The following PNPLA7 variants were observed in gnomAD, a reference collection of about 807,000 sequenced individuals.
The protein encoded by PNPLA7 is patatin-like phospholipase domain-containing protein 7.
A neutral mutation model predicts 161.7 loss-of-function variants in PNPLA7; 153 were observed. The ratio of observed to expected loss-of-function variants is 0.95; its 90% confidence interval spans 0.83 to 1.08. The LOEUF (loss-of-function observed/expected upper bound fraction) is 1.08, where lower values mean the gene tolerates loss of function less well. Ranked by LOEUF, PNPLA7 falls within the 50% of genes least tolerant of loss-of-function variation. The probability of loss-of-function intolerance (pLI) is 0.00; values close to 1 mark genes in which losing one functional copy is unlikely to be tolerated. For missense variants in PNPLA7, 1,739 were observed against 1,856.6 expected (o/e 0.94, Z 1.16); for synonymous variants, 809 against 782.1 (o/e 1.03, Z -0.57).
rs1032545216 is a variant in PNPLA7, at chr9:137,524,464, G to C, written c.748-1607C>G. Among the ~76,000 whole-genome samples the C allele has an allele frequency of 6.6e-6, 1 of 152,258 alleles. No homozygotes were observed. Among genetic ancestry groups the C allele is most frequent in the Non-Finnish European group, 1.5e-5 (1 of 68,046 alleles). On this transcript the variant is annotated intron_variant, in intron 8 of 34. Coordinates refer to ENST00000406427, the MANE Select transcript of PNPLA7 (RefSeq NM_001098537.3). This position sits in a 1 kb window ranked among gnomAD's most constrained non-coding sequence, Gnocchi z 4.4. The stretch of plus-strand genomic sequence containing the variant: ...TCGCAGGGTCTCCGTCCATTCAGCA[G>C]TCGAAGGATATTTGTGTTGTTTCCA...
Position 137,500,808 on chromosome 9 carries a change from G to T in PNPLA7, c.1640C>A (p.Thr547Lys). 1 of 1,608,496 alleles carries T rather than the reference G, an allele frequency of 6.2e-7. No individual in the cohort carries two copies. The highest frequency in any genetic ancestry group is 8.5e-7 in the Non-Finnish European group (1 of 1,178,544). The change falls in exon 16 of 35, where the codon ACG (threonine) becomes AAG (lysine). Residue 547 changes from threonine to lysine, a missense_variant. By Grantham distance (78) the Thr-to-Lys change is moderately conservative (BLOSUM62 -1). Around this residue, in one of 6 missense-constraint regions of PNPLA7, gnomAD observed 481 missense variants for 450.0 expected, o/e 1.07. Coordinates refer to ENST00000406427, the MANE Select transcript of PNPLA7 (RefSeq NM_001098537.3). This position sits in a 1 kb window ranked among gnomAD's most constrained non-coding sequence, Gnocchi z 5.5. The stretch of plus-strand genomic sequence containing the variant: ...CTGGCCCACCATCTCCCCGGGGCGC[G>T]TGAGGAACAAGCAGGTGTCCTCCTG... ...GSQEDTCLFL[T>K]RPGEMVGQLA...
At chr9:137,460,500 G>C in intron 34 of PNPLA7, 24 bp from the exon 35 acceptor site, 1 of 1,611,432 alleles carries the variant, frequency 6.2e-7, no homozygotes, top group Non-Finnish European at 8.5e-7. Flanking sequence ...GCATGTTCCA[G>C]GTGAGGACCA....
At chr9:137,475,010 C>CAAAAAAAAAAAAAAAAAA (rs58417100) in intron 25 of PNPLA7, among the ~76,000 whole-genome samples, 21 of 63,616 alleles carry the variant, frequency 3.3e-4, no homozygotes, top group African/African-American at 1.4e-3. Flanking sequence ...GACTCTGCCT[C>CAAAAAAAAAAAAAAAAAA]AAAAAAAAAA....
chr9:137,471,234 A>G (rs113037187), intron 25 of PNPLA7, among the ~76,000 whole-genome samples: 4 of 152,392 alleles, frequency 2.6e-5, no homozygotes, highest in African/African-American at 9.6e-5. Context: ...GTTGTAAGAT[A>G]TAAGATCAAT....
intron 16 of PNPLA7, among the ~76,000 whole-genome samples, chr9:137,498,854 C>G (rs1250054633): frequency 6.6e-6 from 1 of 152,146 alleles, no homozygotes; most frequent in South Asian, 2.1e-4. Context: ...GAGAGTGACG[C>G]CGGGCGACTC....
chr9:137,521,398 G>A (rs768408748), intron 10 of PNPLA7, among the ~76,000 whole-genome samples: 8 of 152,204 alleles, frequency 5.3e-5, no homozygotes, highest in Non-Finnish European at 1.2e-4. Flanking sequence ...AGAGATTTTG[G>A]AACACAAGGC....
intron 21 of PNPLA7, among the ~76,000 whole-genome samples, chr9:137,481,906 A>C (rs1832240517): frequency 6.6e-6 from 1 of 152,244 alleles, no homozygotes; most frequent in Admixed American, 6.5e-5. Context: ...ACTGCACTCC[A>C]GCCTGGACAA....
At chr9:137,485,595 C>A (rs889444041) in intron 20 of PNPLA7, among the ~76,000 whole-genome samples, 3 of 152,262 alleles carry the variant, frequency 2.0e-5, no homozygotes, top group African/African-American at 7.2e-5. Context: ...AAACAACACA[C>A]GGGCTAGACA....
rs1836785195 is a variant in PNPLA7 at position 137,550,376 on chromosome 9, C to A, written c.-179G>T. 1.4e-6 allele frequency: 1 copy of A among 709,418 alleles called. No homozygotes were observed. The allele number at this position is 709,418 out of a possible 1,614,324, so 43.9% of individuals were successfully genotyped here. A position where few individuals can be genotyped will look rare whatever the true frequency, so the allele number is the denominator to read the frequency against. On this transcript the variant is annotated 5_prime_UTR_variant, in exon 1 of 35. Coordinates refer to ENST00000406427, the MANE Select transcript of PNPLA7 (RefSeq NM_001098537.3). ...AAAGTCTGTTCTCCAGGAAGAAAAGCTGTCTTTTGAGAAGTGTCTGTCATC... is the reference window on the plus strand; with the variant it reads ...AAAGTCTGTTCTCCAGGAAGAAAAGATGTCTTTTGAGAAGTGTCTGTCATC...
chr9:137,498,494 C>T (rs988539353), intron 16 of PNPLA7, among the ~76,000 whole-genome samples: 5 of 152,242 alleles, frequency 3.3e-5, no homozygotes, highest in Admixed American at 6.5e-5. Flanking sequence ...GGCAGGCCCG[C>T]GAGTGCCCCT....
chr9:137,500,235 A>T lies in PNPLA7; in HGVS notation c.1757+456T>A, dbSNP rs754724706. ...GTGGGGCTCCTCCCCCGAGCCAGAG[A>T]CGCGTCCTCACCCACTGCCTTGCCC... On this transcript the variant is annotated intron_variant, in intron 16 of 34. Transcript: ENST00000406427. This position sits in a 1 kb window ranked among gnomAD's most constrained non-coding sequence, Gnocchi z 5.5. 5.9e-5 allele frequency among the ~76,000 whole-genome samples: 9 copies of T among 152,212 alleles called. No homozygotes were observed. The highest frequency in any genetic ancestry group is 2.0e-4 in the Admixed American group (3 of 15,286).
intron 12 of PNPLA7, among the ~76,000 whole-genome samples, chr9:137,514,038 G>A (rs1386199800): frequency 6.6e-6 from 1 of 152,212 alleles, no homozygotes; most frequent in African/African-American, 2.4e-5. Flanking sequence ...AATGCCCTGG[G>A]CCCTGTGGCT....
chr9:137,463,360 C>T (rs994900029), intron 29 of PNPLA7, 55 bp downstream of exon 29: 53 of 1,459,046 alleles, frequency 3.6e-5, no homozygotes, highest in South Asian at 2.2e-4. Flanking sequence ...GGCCGTGGGG[C>T]GGCGTGACCC....
At chr9:137,461,765 T>C in intron 32 of PNPLA7, 145 bp from the exon 33 acceptor site, 1 of 1,185,988 alleles carries the variant, frequency 8.4e-7, no homozygotes, top group Non-Finnish European at 1.2e-6. Flanking sequence ...ACCGGGGAGA[T>C]GCGCAGTCCT....
intron 11 of PNPLA7, among the ~76,000 whole-genome samples, chr9:137,517,990 A>C (rs1260428051): frequency 4.0e-5 from 3 of 75,778 alleles, no homozygotes; most frequent in East Asian, 4.1e-4. Context: ...CCACTCACTC[A>C]CTCCACTCTG....
intron 25 of PNPLA7, among the ~76,000 whole-genome samples, chr9:137,473,810 G>C (rs891183902): frequency 1.3e-5 from 2 of 151,610 alleles, no homozygotes; most frequent in Admixed American, 1.3e-4. Flanking sequence ...CCAAGGGTCG[G>C]TGGGGATGTG....
chr9:137,484,660 T>G lies in PNPLA7; in HGVS notation c.2274A>C (p.Ala758=). The change falls in exon 21 of 35, where the codon GCA becomes GCC. Residue 758 remains alanine, a synonymous_variant. Transcript: ENST00000406427. ...GNPAVNLSTV[A]VMPVSEEVPL... Reference sequence around the variant, plus strand: ...GCACTTCCTCTGACACGGGCATCACTGCCACCGTGGACAGGTTGACAGCCG... The same window carrying G: ...GCACTTCCTCTGACACGGGCATCACGGCCACCGTGGACAGGTTGACAGCCG... 6.2e-7 allele frequency: 1 copy of G among 1,612,584 alleles called. No individual in the cohort carries two copies. Among genetic ancestry groups the G allele is most frequent in the Non-Finnish European group, 8.5e-7 (1 of 1,179,372 alleles).
Position 137,462,752 on chromosome 9 carries a change from T to A in PNPLA7, c.3425A>T (p.Tyr1142Phe), listed in dbSNP as rs145096429. 5 of 1,613,766 alleles carry A rather than the reference T, an allele frequency of 3.1e-6. No homozygotes were observed. The East Asian group carries it at 1.1e-4, about 36-fold the overall frequency. The part of the protein sequence containing the change: ...GSRDETDLTN[Y>F]GDALSGWWLL... Reference sequence around the variant, plus strand: ...CCACCACCCAGACAGCGCATCCCCATAGTTGGTGAGGTCCGTCTCATCTCG... The same window carrying A: ...CCACCACCCAGACAGCGCATCCCCAAAGTTGGTGAGGTCCGTCTCATCTCG... The change falls in exon 30 of 35, where the codon TAT becomes TTT. Residue 1142 changes from tyrosine to phenylalanine, a missense_variant. Physicochemically the swap from Tyr to Phe is conservative, Grantham distance 22 (BLOSUM62 3). Coordinates refer to ENST00000406427, the MANE Select transcript of PNPLA7 (RefSeq NM_001098537.3).
intron 1 of PNPLA7, among the ~76,000 whole-genome samples, chr9:137,549,606 C>A (rs1588732876): frequency 6.8e-6 from 1 of 147,628 alleles, no homozygotes; most frequent in Non-Finnish European, 1.5e-5. Context: ...ACCAGCCTGG[C>A]CAACATGGCG....
Sources: allele counts gnomAD v4.1 joint callset (sites outside exome capture counted in the v4.1 genomes callset), GRCh38; gene constraint gnomAD v4.1.1; regional missense constraint gnomAD v4.1.1; non-coding constraint Gnocchi (gnomAD v3.1); transcripts MANE v1.5; gene names NCBI Gene and HGNC (gene_info 2026-07-23, HGNC 2026-07-21).